Variants in JARID2 observed in about 807,000 individuals in gnomAD.
JARID2 encodes jumonji and AT-rich interaction domain containing 2.
In JARID2, 21 loss-of-function variants were observed where a neutral mutation model predicts 125.6. The ratio of observed to expected loss-of-function variants is 0.17; its 90% CI spans 0.12 to 0.24. JARID2 has a LOEUF of 0.24. JARID2 is among the 10% of genes least tolerant of loss of function. The pLI, the probability that JARID2 is intolerant of heterozygous loss-of-function variation, is 1.00. For synonymous variants in JARID2, 736 were observed against 661.6 expected (o/e 1.11, Z -1.73); for missense variants, 1,303 against 1,639.6 (o/e 0.79, Z 3.55).
At chr6:15,418,511 G>A (rs939290074) in intron 3 of JARID2, among the ~76,000 whole-genome samples, 1 of 152,034 alleles carries the variant, frequency 6.6e-6, no homozygotes, top group Non-Finnish European at 1.5e-5. Flanking sequence ...CACTGTGCCC[G>A]GTCAACTATA....
intron 3 of JARID2, among the ~76,000 whole-genome samples, chr6:15,443,788 TAAAA>T (rs1270296826): frequency 1.1e-4 from 16 of 152,004 alleles, no homozygotes; most frequent in Admixed American, 1.0e-3. Context: ...AAATAGTCCT[TAAAA>T]AAACCACCTA....
At chr6:15,339,634 C>A (rs1300973556) in intron 1 of JARID2, among the ~76,000 whole-genome samples, 1 of 149,500 alleles carries the variant, frequency 6.7e-6, no homozygotes, top group African/African-American at 2.5e-5. Context: ...CTCCTGGGTT[C>A]AAGCGATTCT....
At chr6:15,410,846 A>G (rs1006998996) in intron 3 of JARID2, among the ~76,000 whole-genome samples, 3 of 152,226 alleles carry the variant, frequency 2.0e-5, no homozygotes, top group Admixed American at 1.3e-4. Context: ...CCAAGTTAGT[A>G]GCTGTGGAAT....
intron 2 of JARID2, among the ~76,000 whole-genome samples, chr6:15,376,812 GA>G (rs1364930428): frequency 1.3e-5 from 2 of 152,196 alleles, no homozygotes; most frequent in African/African-American, 4.8e-5. Flanking sequence ...CTGGAAAACA[GA>G]ATTGGTATCA....
chr6:15,353,754 T>C (rs1763506905), intron 1 of JARID2, among the ~76,000 whole-genome samples: 1 of 152,226 alleles, frequency 6.6e-6, no homozygotes, highest in Non-Finnish European at 1.5e-5. Context: ...AAAATTCTTT[T>C]CAATCAAAAC....
chr6:15,407,072 CAA>C (rs1765679214), intron 2 of JARID2, among the ~76,000 whole-genome samples: 1 of 151,380 alleles, frequency 6.6e-6, no homozygotes, highest in Non-Finnish European at 1.5e-5. Flanking sequence ...ACCAGCTTGG[CAA>C]CAAAGCAAGA....
At chr6:15,295,686 C>T (rs987483258) in intron 1 of JARID2, among the ~76,000 whole-genome samples, 5 of 152,098 alleles carry the variant, frequency 3.3e-5, no homozygotes, top group Non-Finnish European at 4.4e-5. Context: ...ATTTTTGAGA[C>T]GGAGTCTCGC....
chr6:15,495,754 T>C (rs537821365), intron 6 of JARID2, among the ~76,000 whole-genome samples: 2 of 152,290 alleles, frequency 1.3e-5, no homozygotes, highest in East Asian at 3.9e-4. Flanking sequence ...TGTCATCAAC[T>C]CTGAGAAGCT....
At chr6:15,293,220 CACTT>C (rs796381890) in intron 1 of JARID2, among the ~76,000 whole-genome samples, 8 of 152,302 alleles carry the variant, frequency 5.3e-5, no homozygotes, top group African/African-American at 1.9e-4. Context: ...CAGCACCTGC[CACTT>C]ACAGTATGGT....
chr6:15,246,985 G>C (rs937434115), intron 1 of JARID2, among the ~76,000 whole-genome samples: 1 of 152,198 alleles, frequency 6.6e-6, no homozygotes, highest in Non-Finnish European at 1.5e-5. Flanking sequence ...TGGAAAAATC[G>C]TGTAACGCAT....
chr6:15,415,570 A>AGAGGCGCCCCTCACCTCC (rs1766124058), intron 3 of JARID2, among the ~76,000 whole-genome samples: 3 of 115,130 alleles, frequency 2.6e-5, no homozygotes, highest in Non-Finnish European at 3.7e-5. Context: ...CACCTCCCGG[A>AGAGGCGCCCCTCACCTCC]CGGGGCTGCT....
intron 3 of JARID2, among the ~76,000 whole-genome samples, chr6:15,434,962 A>G (rs1767139042): frequency 6.6e-6 from 1 of 152,174 alleles, no homozygotes; most frequent in South Asian, 2.1e-4. Context: ...TTTGATTTCT[A>G]GAAGCTCTGT....
At chr6:15,396,402 T>C (rs1350581045) in intron 2 of JARID2, among the ~76,000 whole-genome samples, 1 of 152,254 alleles carries the variant, frequency 6.6e-6, no homozygotes, top group Non-Finnish European at 1.5e-5. Context: ...TAATCATTCT[T>C]AATCATAGCT....
Position 15,246,142 on chromosome 6 carries a change from T to C in JARID2, c.-398T>C, listed in dbSNP as rs1156912521. Among the ~76,000 whole-genome samples, 1 of 152,108 alleles carries C rather than the reference T, an allele frequency of 6.6e-6. No individual in the cohort carries two copies. The highest frequency in any genetic ancestry group is 1.5e-5 in the Non-Finnish European group (1 of 68,026). On this transcript the variant is annotated 5_prime_UTR_variant, in exon 1 of 18. Coordinates refer to ENST00000341776, the MANE Select transcript of JARID2 (RefSeq NM_004973.4). ...CCAACATTTTTTATTTATCTTTCCC[T>C]TTTCTTTTCCAAGATGTAACTACGG...
At chr6:15,364,942 A>G (rs1469300507) in intron 1 of JARID2, among the ~76,000 whole-genome samples, 1 of 152,216 alleles carries the variant, frequency 6.6e-6, no homozygotes, top group Non-Finnish European at 1.5e-5. Context: ...ACATGTGACT[A>G]GTGGCTACTG....
chr6:15,395,742 G>A (rs892972821), intron 2 of JARID2, among the ~76,000 whole-genome samples: 1 of 151,980 alleles, frequency 6.6e-6, no homozygotes, highest in Non-Finnish European at 1.5e-5. Flanking sequence ...TCAGCTCACT[G>A]CAGTGTTTGT....
intron 1 of JARID2, among the ~76,000 whole-genome samples, chr6:15,359,734 A>G (rs1205340876): frequency 2.0e-5 from 3 of 149,056 alleles, no homozygotes; most frequent in Non-Finnish European, 4.5e-5. Flanking sequence ...TTTATTTGAG[A>G]TGGAGTCTCC....
chr6:15,420,452 C>T (rs556630327), intron 3 of JARID2, among the ~76,000 whole-genome samples: 1 of 151,752 alleles, frequency 6.6e-6, no homozygotes, highest in South Asian at 2.1e-4. Context: ...TTCAGTGTCT[C>T]TAGTAATATG....
chr6:15,348,199 C>T (rs1292035738), intron 1 of JARID2, among the ~76,000 whole-genome samples: 1 of 151,690 alleles, frequency 6.6e-6, no homozygotes. Context: ...TCAAGCAATT[C>T]TCCTGCCTCA....
Sources: allele counts gnomAD v4.1 joint callset (sites outside exome capture counted in the v4.1 genomes callset), GRCh38; gene constraint gnomAD v4.1.1; transcripts MANE v1.5; gene names NCBI Gene and HGNC (gene_info 2026-07-23, HGNC 2026-07-21).